The following ADGRL3 variants were observed in gnomAD, a reference collection of about 807,000 sequenced individuals.
ADGRL3 encodes calcium-independent alpha-latrotoxin receptor 3.
A neutral mutation model predicts 153.5 loss-of-function variants in ADGRL3; 62 were observed. The ratio of observed to expected loss-of-function variants is 0.40; its 90% CI spans 0.33 to 0.50. The LOEUF is 0.50. Among genes scored for constraint, ADGRL3 ranks in the 20% least tolerant of loss-of-function variants. The probability of loss-of-function intolerance (pLI) is 0.47; values close to 1 mark genes in which losing one functional copy is unlikely to be tolerated. For missense variants in ADGRL3, 1,641 were observed against 1,859.4 expected (o/e 0.88, Z 2.16); for synonymous variants, 710 against 672.5 (o/e 1.06, Z -0.86).
chr4:61,687,383 G>A (rs1199319107), intron 6 of ADGRL3, among the ~76,000 whole-genome samples: 1 of 151,922 alleles, frequency 6.6e-6, no homozygotes, highest in African/African-American at 2.4e-5. Flanking sequence ...AGTCAATGTT[G>A]GGAAGGGGAT....
Position 61,766,031 on chromosome 4 carries a change from G to C in ADGRL3, c.1399+32477G>C, listed in dbSNP as rs574941391. Among the ~76,000 whole-genome samples the C allele has an allele frequency of 2.0e-3, 306 of 152,274 alleles. 3 individuals carry two copies. Among genetic ancestry groups the C allele is most frequent in the African/African-American group, 6.9e-3 (286 of 41,528 alleles). ...TGCTGGTGTGTGGCGATTAGGCCTGGTGGAACTGCCATCAATAAATCAAGC... is the reference window on the plus strand; with the variant it reads ...TGCTGGTGTGTGGCGATTAGGCCTGCTGGAACTGCCATCAATAAATCAAGC... On this transcript the variant is annotated intron_variant, in intron 8 of 26. Coordinates refer to ENST00000683033, the MANE Select transcript of ADGRL3 (RefSeq NM_001387552.1).
chr4:61,623,098 A>G (rs1276079248), intron 5 of ADGRL3, among the ~76,000 whole-genome samples: 1 of 152,140 alleles, frequency 6.6e-6, no homozygotes, highest in Non-Finnish European at 1.5e-5. Context: ...ACCAAGCATT[A>G]ATCTTTCCCA....
intron 5 of ADGRL3, among the ~76,000 whole-genome samples, chr4:61,630,060 C>T (rs1017478304): frequency 2.6e-5 from 4 of 152,086 alleles, no homozygotes; most frequent in Admixed American, 6.5e-5. Flanking sequence ...TGCACACTTT[C>T]TTTAAATGTG....
chr4:61,401,203 G>A (rs1478491603), intron 2 of ADGRL3, among the ~76,000 whole-genome samples: 2 of 151,440 alleles, frequency 1.3e-5, no homozygotes, highest in Non-Finnish European at 3.0e-5. Flanking sequence ...AAGTTAATTT[G>A]TATCACATAA....
intron 4 of ADGRL3, among the ~76,000 whole-genome samples, chr4:61,565,014 GATA>G (rs2149037082): frequency 6.6e-6 from 1 of 152,230 alleles, no homozygotes; most frequent in South Asian, 2.1e-4. Flanking sequence ...ATACAGATGT[GATA>G]ATAATGAAAA....
At chr4:61,717,462 T>G (rs2096143887) in intron 6 of ADGRL3, among the ~76,000 whole-genome samples, 1 of 152,124 alleles carries the variant, frequency 6.6e-6, no homozygotes, top group South Asian at 2.1e-4. Context: ...TCTTATAAAT[T>G]CCTAGCTCTA....
At chr4:61,683,787 C>T (rs1352867031) in intron 6 of ADGRL3, among the ~76,000 whole-genome samples, 1 of 152,108 alleles carries the variant, frequency 6.6e-6, no homozygotes, top group Non-Finnish European at 1.5e-5. Context: ...ACTGGGGACC[C>T]ACCCCTATCT....
chr4:61,717,223 TGTG>T (rs1168641023), intron 6 of ADGRL3, among the ~76,000 whole-genome samples: 5 of 150,398 alleles, frequency 3.3e-5, no homozygotes, highest in African/African-American at 1.2e-4. Context: ...TGTGTGTGCG[TGTG>T]TGTGTGTGTG....
chr4:61,680,405 C>CGT (rs3075156), intron 6 of ADGRL3, among the ~76,000 whole-genome samples: 5,213 of 144,002 alleles, frequency 0.036, 108 homozygotes, highest in East Asian at 0.06. Context: ...TATACATACT[C>CGT]GTGTGTGTGT....
chr4:61,792,715 C>T (rs1440973864), intron 8 of ADGRL3, among the ~76,000 whole-genome samples: 1 of 151,942 alleles, frequency 6.6e-6, no homozygotes, highest in Non-Finnish European at 1.5e-5. Flanking sequence ...GTCTTGAACT[C>T]CTGACCTCGG....
intron 1 of ADGRL3, among the ~76,000 whole-genome samples, chr4:61,381,749 G>C (rs574178427): frequency 6.6e-6 from 1 of 151,984 alleles, no homozygotes; most frequent in Non-Finnish European, 1.5e-5. Flanking sequence ...AAAAACCAGG[G>C]AAAAAAGTGA....
At chr4:61,428,325 A>T (rs2097307675) in intron 2 of ADGRL3, 1 of 152,234 alleles carries the variant, frequency 6.6e-6, no homozygotes, top group South Asian at 2.1e-4. Flanking sequence ...CTGTGGTTAT[A>T]TAATGCAAGG....
At chr4:61,619,516 TACACACACAC>T (rs34015455) in intron 5 of ADGRL3, among the ~76,000 whole-genome samples, 1,955 of 148,928 alleles carry the variant, frequency 0.013, 43 homozygotes, top group African/African-American at 0.042. Context: ...GAATGTGAGA[TACACACACAC>T]ACACACACAC....
Position 61,226,736 on chromosome 4 carries a change from G to A in ADGRL3, c.-240+24971G>A, listed in dbSNP as rs1399360520. Among the ~76,000 whole-genome samples, 4 of 152,202 alleles carry A rather than the reference G, an allele frequency of 2.6e-5. 1 individual carries two copies. ...AGAATACCTGAAGGGTAGCTCAGGTGGGAATGTGGCATGAAGTTATAATTT... is the reference window on the plus strand; with the variant it reads ...AGAATACCTGAAGGGTAGCTCAGGTAGGAATGTGGCATGAAGTTATAATTT... On this transcript the variant is annotated intron_variant, in intron 1 of 26. Transcript: ENST00000683033.
intron 1 of ADGRL3, among the ~76,000 whole-genome samples, chr4:61,233,768 G>A (rs971669344): frequency 4.6e-5 from 7 of 152,036 alleles, no homozygotes; most frequent in African/African-American, 1.7e-4. Context: ...AGCTAGAAAG[G>A]TAGGTAAGAG....
chr4:61,485,488 A>G (rs568972921), intron 2 of ADGRL3, among the ~76,000 whole-genome samples: 4 of 152,310 alleles, frequency 2.6e-5, no homozygotes, highest in African/African-American at 9.6e-5. Context: ...AAAAATGTGA[A>G]TATCAAGCGT....
chr4:61,649,526 T>C (rs2094170076), intron 5 of ADGRL3, among the ~76,000 whole-genome samples: 1 of 152,116 alleles, frequency 6.6e-6, no homozygotes, highest in African/African-American at 2.4e-5. Context: ...GGATTTACAG[T>C]TTATGTATTT....
chr4:61,333,059 T>C (rs2095605524), intron 1 of ADGRL3, among the ~76,000 whole-genome samples: 1 of 152,102 alleles, frequency 6.6e-6, no homozygotes, highest in African/African-American at 2.4e-5. Context: ...TAAAAAGCTG[T>C]CTCCTTACCA....
At chr4:61,421,153 T>C (rs1385726707) in intron 2 of ADGRL3, among the ~76,000 whole-genome samples, 2 of 151,972 alleles carry the variant, frequency 1.3e-5, no homozygotes, top group African/African-American at 2.4e-5. Context: ...GCTAACACGG[T>C]GAAACCCCGT....
Sources: gnomAD v4.1 joint callset for allele counts (sites outside exome capture counted in the v4.1 genomes callset) on GRCh38, gnomAD v4.1.1 for gene constraint, MANE v1.5 for transcripts, NCBI Gene and HGNC (gene_info 2026-07-23, HGNC 2026-07-21) for gene names.